Variants in SGCA observed in about 807,000 individuals in gnomAD.
SGCA encodes sarcoglycan alpha.
In SGCA, 34 loss-of-function variants were observed where a neutral mutation model predicts 38.1. That is an observed-to-expected ratio of 0.89 (90% CI 0.68 to 1.19). The LOEUF (loss-of-function observed/expected upper bound fraction) is 1.19, where lower values mean the gene tolerates loss of function less well. Among genes scored for constraint, SGCA ranks in the 50% most tolerant of loss-of-function variants. The pLI, the probability that SGCA is intolerant of heterozygous loss-of-function variation, is 0.00. For synonymous variants in SGCA, 209 were observed against 214.6 expected (o/e 0.97, Z 0.23); for missense variants, 476 against 524.9 (o/e 0.91, Z 0.91).
chr17:50,174,377 G>A (rs966827359), intron 8 of SGCA, among the ~76,000 whole-genome samples: 3 of 152,056 alleles, frequency 2.0e-5, no homozygotes, highest in East Asian at 1.9e-4. Context: ...ACTGGCTTCT[G>A]GAAGAATATG....
chr17:50,171,630 C>T, intron 8 of SGCA: 1 of 456,882 alleles, frequency 2.2e-6, no homozygotes, highest in South Asian at 1.5e-5. Flanking sequence ...AGCGCCACCT[C>T]TGCTGTCGTT....
At position 50,170,978 on chromosome 17, in the gene SGCA, C is replaced by T. The variant is rs140324461; in HGVS notation, c.983+312C>T. 1.8e-4 allele frequency among the ~76,000 whole-genome samples: 28 copies of T among 152,276 alleles called. No individual in the cohort carries two copies. The East Asian group carries it at 4.0e-3, about 22-fold the overall frequency. Reference sequence around the variant, plus strand: ...ACTTGGGAGGCTGAGATAGGAGAATCGCTTGAGCCTGGGAGATTGAGGCTG... The same window carrying T: ...ACTTGGGAGGCTGAGATAGGAGAATTGCTTGAGCCTGGGAGATTGAGGCTG... On this transcript the variant is annotated intron_variant, in intron 8 of 9. Transcript: ENST00000262018.
intron 8 of SGCA, among the ~76,000 whole-genome samples, chr17:50,174,525 T>A (rs923650732): frequency 1.4e-4 from 22 of 151,842 alleles, no homozygotes; most frequent in African/African-American, 1.9e-4. Context: ...TTTTTTTTTT[T>A]AAATAGAGAT....
intron 1 of SGCA, among the ~76,000 whole-genome samples, chr17:50,166,749 T>A (rs1295625577): frequency 9.0e-5 from 4 of 44,296 alleles, no homozygotes; most frequent in South Asian, 9.5e-4. Context: ...TCACACACCC[T>A]CACACACCCT....
chr17:50,167,868 T>G lies in SGCA; in HGVS notation c.313-79T>G, dbSNP rs780510173. The G allele has an allele frequency of 2.7e-5, 42 of 1,535,962 alleles. No individual in the cohort carries two copies. The highest frequency in any genetic ancestry group is 3.5e-5 in the Non-Finnish European group (39 of 1,109,066). ...ATTTACATACCTCTAATTTGGTATC[T>G]GAGTCCTCTCCTGCCAGGCCCCCGC... is the stretch of plus-strand genomic sequence containing the variant. On this transcript the variant is annotated intron_variant, in intron 3 of 9. Transcript: ENST00000262018. The surrounding 1 kb of genome is among the most constrained non-coding windows in gnomAD (Gnocchi z 4.5).
intron 6 of SGCA, chr17:50,169,693 A>G (rs572522406): frequency 5.2e-5 from 17 of 327,914 alleles, no homozygotes; most frequent in African/African-American, 3.4e-4. Context: ...AGATGCTCAC[A>G]ACAGCTCTTT....
chr17:50,169,772 G>C (rs1905226161), intron 6 of SGCA: 1 of 406,500 alleles, frequency 2.5e-6, no homozygotes, highest in African/African-American at 2.0e-5. Context: ...GACCAACAGA[G>C]CAGGGACTCA....
intron 4 of SGCA, 119 bp downstream of exon 4, chr17:50,168,138 G>A: frequency 4.0e-6 from 4 of 992,336 alleles, no homozygotes; most frequent in South Asian, 3.9e-5. Context: ...GGGCATCCTG[G>A]AAAGTGGGGA....
intron 6 of SGCA, chr17:50,169,900 C>T: frequency 1.7e-6 from 1 of 601,414 alleles, no homozygotes; most frequent in East Asian, 2.8e-5. Context: ...ACAGGTGCTA[C>T]TATTATCCTT....
chr17:50,171,417 G>A (rs1291382955), intron 8 of SGCA: 16 of 432,420 alleles, frequency 3.7e-5, no homozygotes, highest in Non-Finnish European at 6.1e-5. Flanking sequence ...CTAGATTCCA[G>A]GAGGCAGATG....
chr17:50,169,040 C>A, intron 5 of SGCA, 52 bp from the exon 6 acceptor site: 1 of 1,545,252 alleles, frequency 6.5e-7, no homozygotes, highest in Non-Finnish European at 8.9e-7. Flanking sequence ...CAGAGTGGTG[C>A]CTCGTGCCCC....
intron 8 of SGCA, chr17:50,171,888 G>A (rs1039868849): frequency 2.2e-6 from 1 of 456,790 alleles, no homozygotes; most frequent in Non-Finnish European, 4.4e-6. Context: ...GACGTGCTGG[G>A]CTTCTGGCAG....
At chr17:50,174,429 G>A (rs1199328557) in intron 8 of SGCA, among the ~76,000 whole-genome samples, 2 of 152,032 alleles carry the variant, frequency 1.3e-5, no homozygotes, top group Non-Finnish European at 1.5e-5. Flanking sequence ...TCTTGTGAGC[G>A]CTTATCACGT....
At chr17:50,174,562 G>C (rs549492266) in intron 8 of SGCA, among the ~76,000 whole-genome samples, 11 of 152,082 alleles carry the variant, frequency 7.2e-5, no homozygotes, top group African/African-American at 2.2e-4. Flanking sequence ...GGTCAGGCTG[G>C]CCTTGAACTC....
At chr17:50,171,342 C>G (rs970258290) in intron 8 of SGCA, 1 of 360,636 alleles carries the variant, frequency 2.8e-6, no homozygotes. Flanking sequence ...GCCTGGTTTC[C>G]CCTACTCATG....
At chr17:50,175,165 G>A (rs867562681) in intron 8 of SGCA, 92 bp from the exon 9 acceptor site, 1 of 1,176,434 alleles carries the variant, frequency 8.5e-7, no homozygotes, top group Non-Finnish European at 1.2e-6. Context: ...ATAAGTGGTG[G>A]GGAGGACCGC....
At chr17:50,173,898 C>T (rs796819485) in intron 8 of SGCA, among the ~76,000 whole-genome samples, 2 of 152,210 alleles carry the variant, frequency 1.3e-5, no homozygotes, top group African/African-American at 2.4e-5. Flanking sequence ...AGGCTCTAAC[C>T]GGAGTCTGTG....
chr17:50,166,727 TCA>T (rs1181658444), intron 1 of SGCA, among the ~76,000 whole-genome samples: 8 of 51,396 alleles, frequency 1.6e-4, no homozygotes, highest in African/African-American at 2.5e-4. Flanking sequence ...ACACACACCC[TCA>T]CACACACCCT....
In SGCA at chr17:50,167,342, G is replaced by C; in HGVS notation, c.38-26G>C. On this transcript the variant is annotated intron_variant, in intron 1 of 9. Coordinates refer to ENST00000262018, the MANE Select transcript of SGCA (RefSeq NM_000023.4). This position sits in a 1 kb window ranked among gnomAD's most constrained non-coding sequence, Gnocchi z 4.5. ...GCCCAGGACTGAGGCTGGCCTGTGTGTTTGGGACTTGTGGGGTCCCCACAG... is the reference window on the plus strand; with the variant it reads ...GCCCAGGACTGAGGCTGGCCTGTGTCTTTGGGACTTGTGGGGTCCCCACAG... The C allele has an allele frequency of 6.2e-7, 1 of 1,614,014 alleles. No homozygotes were observed. The highest frequency in any genetic ancestry group is 8.5e-7 in the Non-Finnish European group (1 of 1,180,008).
Sources: allele counts gnomAD v4.1 joint callset (sites outside exome capture counted in the v4.1 genomes callset), GRCh38; gene constraint gnomAD v4.1.1; non-coding constraint Gnocchi (gnomAD v3.1); transcripts MANE v1.5; gene names NCBI Gene and HGNC (gene_info 2026-07-23, HGNC 2026-07-21).